Variants in MFAP1 observed in about 807,000 individuals in gnomAD.
MFAP1 encodes the protein microfibril associated protein 1.
Under a neutral mutation model 62.2 loss-of-function variants are expected in MFAP1, and 18 were observed. That is an observed-to-expected ratio of 0.29 (90% CI 0.20 to 0.43). The LOEUF is 0.43. MFAP1 is among the 20% of genes least tolerant of loss of function. The probability of loss-of-function intolerance (pLI) is 1.00; values close to 1 mark genes in which losing one functional copy is unlikely to be tolerated. For synonymous variants in MFAP1, 175 were observed against 180.4 expected, an observed-to-expected ratio of 0.97 and a Z score of 0.24; for missense variants, 355 against 559.7, an observed-to-expected ratio of 0.63 and a Z score of 3.69.
Position 43,805,017 on chromosome 15 carries a change from A to G in MFAP1, c.*77T>C. 6.9e-7 allele frequency: 1 copy of G among 1,455,268 alleles called. No individual in the cohort carries two copies. Among genetic ancestry groups the G allele is most frequent in the Non-Finnish European group, 9.3e-7 (1 of 1,077,884 alleles). The allele number at this position is 1,455,268 out of a possible 1,614,324, so 90.1% of individuals were successfully genotyped here. A position where few individuals can be genotyped will look rare whatever the true frequency, so the allele number is the denominator to read the frequency against. On this transcript the variant is annotated 3_prime_UTR_variant, in exon 9 of 9. Transcript: ENST00000267812. ...ATCTGGATACAGGGGCCAAGGAAAC[A>G]ATGAAAAAACCAAATCAAGGACCAG...
At chr15:43,818,807 G>A (rs536945649) in intron 1 of MFAP1, among the ~76,000 whole-genome samples, 1 of 152,202 alleles carries the variant, frequency 6.6e-6, no homozygotes, top group South Asian at 2.1e-4. Flanking sequence ...AGAATCACTG[G>A]AGCCCAGGAG....
chr15:43,815,109 T>C (rs2141709336), intron 2 of MFAP1, 35 bp from the exon 3 acceptor site: 1 of 1,612,458 alleles, frequency 6.2e-7, no homozygotes, highest in Non-Finnish European at 8.5e-7. Context: ...AACACCAATG[T>C]CATAAAAATG....
intron 2 of MFAP1, among the ~76,000 whole-genome samples, chr15:43,815,530 A>G (rs980197814): frequency 6.6e-6 from 1 of 152,136 alleles, no homozygotes; most frequent in Non-Finnish European, 1.5e-5. Flanking sequence ...AAGAAACTAA[A>G]CTAGGATGTC....
At chr15:43,816,925 C>A (rs2087437311) in intron 2 of MFAP1, among the ~76,000 whole-genome samples, 1 of 152,162 alleles carries the variant, frequency 6.6e-6, no homozygotes, top group South Asian at 2.1e-4. Flanking sequence ...CAACAGCCAA[C>A]AAATGGTCTG....
At chr15:43,820,682 C>T (rs566729688) in intron 1 of MFAP1, among the ~76,000 whole-genome samples, 2 of 152,166 alleles carry the variant, frequency 1.3e-5, no homozygotes, top group African/African-American at 2.4e-5. Flanking sequence ...CATGGCTCAC[C>T]GCAGCGTCAG....
At chr15:43,813,184 C>T in intron 5 of MFAP1, 37 bp from the exon 6 acceptor site, 1 of 1,614,128 alleles carries the variant, frequency 6.2e-7, no homozygotes, top group African/African-American at 1.3e-5. Context: ...GACTTCCTTA[C>T]TCTCCTCAGA....
At position 43,824,658 on chromosome 15, in the gene MFAP1, A is replaced by C. The variant is rs2087488283; in HGVS notation, c.-89T>G. On this transcript the variant is annotated 5_prime_UTR_variant, in exon 1 of 9. Coordinates refer to ENST00000267812, the MANE Select transcript of MFAP1 (RefSeq NM_005926.3). ...TCAACGAAGAGAAGAAATTCCTTCC[A>C]CCTGAGTCCGCGAACACAGCTGCGC... 2.2e-6 allele frequency: 3 copies of C among 1,372,058 alleles called. No individual in the cohort carries two copies. The highest frequency in any genetic ancestry group is 3.1e-6 in the Non-Finnish European group (3 of 966,464). 85.0% of individuals were successfully genotyped at this position (1,372,058 alleles called of 1,614,324 possible).
At chr15:43,807,973 A>G (rs1211826220) in intron 7 of MFAP1, among the ~76,000 whole-genome samples, 2 of 151,912 alleles carry the variant, frequency 1.3e-5, no homozygotes, top group Non-Finnish European at 2.9e-5. Context: ...ACATAGCAAA[A>G]CCCATCTCTA....
At chr15:43,813,773 G>A (rs746756870) in intron 4 of MFAP1, among the ~76,000 whole-genome samples, 8 of 151,574 alleles carry the variant, frequency 5.3e-5, no homozygotes, top group Admixed American at 3.9e-4. Context: ...GCCTCCCAAA[G>A]TGCTGGGATT....
chr15:43,818,518 G>GAAA (rs769176289), intron 1 of MFAP1, among the ~76,000 whole-genome samples: 1 of 112,252 alleles, frequency 8.9e-6, no homozygotes, highest in Non-Finnish European at 1.8e-5. Flanking sequence ...AAAAAAAAAA[G>GAAA]AAACAAAAAA....
At chr15:43,822,860 C>G (rs192677139) in intron 1 of MFAP1, among the ~76,000 whole-genome samples, 1 of 151,596 alleles carries the variant, frequency 6.6e-6, no homozygotes, top group Non-Finnish European at 1.5e-5. Context: ...ATTTTTGAGA[C>G]GAAGTCTTGC....
At chr15:43,806,622 C>T (rs1413198214) in intron 7 of MFAP1, among the ~76,000 whole-genome samples, 1 of 152,226 alleles carries the variant, frequency 6.6e-6, no homozygotes, top group Non-Finnish European at 1.5e-5. Context: ...CGCCCGTAAT[C>T]CCAGCACTTT....
At chr15:43,809,950 AC>A in intron 6 of MFAP1, 36 bp from the exon 7 acceptor site, 2 of 1,610,974 alleles carry the variant, frequency 1.2e-6, no homozygotes, top group Non-Finnish European at 1.7e-6. Context: ...TGGTACTGTT[AC>A]AGCTTCAGAA....
intron 1 of MFAP1, among the ~76,000 whole-genome samples, chr15:43,822,494 C>T (rs1367433533): frequency 4.6e-5 from 7 of 152,244 alleles, no homozygotes; most frequent in Non-Finnish European, 1.0e-4. Flanking sequence ...CTGCCTCAGC[C>T]TTCCAAACAG....
At chr15:43,817,184 A>T (rs746394223) in intron 2 of MFAP1, 45 bp downstream of exon 2, 20 of 1,520,026 alleles carry the variant, frequency 1.3e-5, no homozygotes, top group Non-Finnish European at 1.8e-5. Flanking sequence ...ATTATTATTA[A>T]GCTGTAGAGG....
At chr15:43,824,421 G>C (rs965116747) in intron 1 of MFAP1, 70 bp downstream of exon 1, 1 of 1,527,586 alleles carries the variant, frequency 6.5e-7, no homozygotes, top group Non-Finnish European at 9.0e-7. Flanking sequence ...GTCTGTCCGG[G>C]AGAGGTCTGG....
intron 7 of MFAP1, among the ~76,000 whole-genome samples, chr15:43,808,469 C>T (rs1484343179): frequency 6.6e-6 from 1 of 152,246 alleles, no homozygotes; most frequent in Admixed American, 6.5e-5. Flanking sequence ...GTTAAGATTA[C>T]AGGCATTAGC....
chr15:43,815,892 C>G lies in MFAP1; in HGVS notation c.300-818G>C, dbSNP rs190806838. On this transcript the variant is annotated intron_variant, in intron 2 of 8. Transcript: ENST00000267812. ...CAGGTGATCCGCCTGCCTAGGCCTC[C>G]CAAAGTGCTGGGATTACAGGCATGA... 1.1e-4 allele frequency among the ~76,000 whole-genome samples: 17 copies of G among 152,192 alleles called. No homozygotes were observed. In the East Asian group the frequency reaches 3.1e-3, roughly 28 times the overall value.
Position 43,814,493 on chromosome 15 carries a change from A to G in MFAP1, c.617+8T>C. On this transcript the variant is annotated splice_region_variant and intron_variant, in intron 4 of 8. Coordinates refer to ENST00000267812, the MANE Select transcript of MFAP1 (RefSeq NM_005926.3). ...AGTGGATTCAGATCTGGCTTGTGAGATACTTACTTTCGAATGAAGACTGGC... is the reference window on the plus strand; with the variant it reads ...AGTGGATTCAGATCTGGCTTGTGAGGTACTTACTTTCGAATGAAGACTGGC... The G allele has an allele frequency of 6.2e-7, 1 of 1,602,210 alleles. No homozygotes were observed. Among genetic ancestry groups the G allele is most frequent in the Non-Finnish European group, 8.5e-7 (1 of 1,172,956 alleles).
Sources: gnomAD v4.1 joint callset for allele counts (sites outside exome capture counted in the v4.1 genomes callset) on GRCh38, gnomAD v4.1.1 for gene constraint, MANE v1.5 for transcripts, NCBI Gene and HGNC (gene_info 2026-07-23, HGNC 2026-07-21) for gene names.